The following TMEM123 variants were observed in gnomAD, a reference collection of about 807,000 sequenced individuals.
The protein encoded by TMEM123 is transmembrane protein 123, also known as porimin.
In TMEM123, 16 loss-of-function variants were observed where a neutral mutation model predicts 19.7. The observed-to-expected ratio is 0.81, with a 90% CI of 0.55 to 1.23. The LOEUF (loss-of-function observed/expected upper bound fraction) is 1.23. TMEM123 is among the 50% of genes most tolerant of loss of function. The pLI is 0.00. For missense variants in TMEM123, 313 were observed against 257.8 expected, an observed-to-expected ratio of 1.21 and a Z score of -1.47; for synonymous variants, 118 against 99.4, an observed-to-expected ratio of 1.19 and a Z score of -1.12.
chr11:102,443,753 A>C (rs552588279), intron 2 of TMEM123, among the ~76,000 whole-genome samples: 1 of 152,350 alleles, frequency 6.6e-6, no homozygotes, highest in South Asian at 2.1e-4. Flanking sequence ...ATCAGAGTGA[A>C]CAAGCAACCT....
At chr11:102,449,047 G>A in intron 1 of TMEM123, 179 bp from the exon 2 acceptor site, 1 of 582,082 alleles carries the variant, frequency 1.7e-6, no homozygotes, top group Non-Finnish European at 3.1e-6. Flanking sequence ...TCAGTAAAAG[G>A]GACTGTATTA....
At chr11:102,414,582 C>T (rs974312211) in intron 2 of TMEM123, among the ~76,000 whole-genome samples, 3 of 152,140 alleles carry the variant, frequency 2.0e-5, no homozygotes, top group Non-Finnish European at 2.9e-5. Flanking sequence ...CCAAGAATGT[C>T]GTATCTAGCT....
intron 2 of TMEM123, among the ~76,000 whole-genome samples, chr11:102,436,919 T>C (rs963072520): frequency 6.6e-6 from 1 of 152,224 alleles, no homozygotes; most frequent in Admixed American, 6.5e-5. Context: ...GATGGCTGCA[T>C]TATGGAAAAA....
chr11:102,430,589 T>G (rs1369465144), intron 2 of TMEM123, among the ~76,000 whole-genome samples: 2 of 152,080 alleles, frequency 1.3e-5, no homozygotes, highest in Non-Finnish European at 1.5e-5. Flanking sequence ...CTTCAGGTAG[T>G]GAGAACAGAA....
At chr11:102,406,671 C>T (rs897011922) in intron 2 of TMEM123, among the ~76,000 whole-genome samples, 1 of 151,588 alleles carries the variant, frequency 6.6e-6, no homozygotes, top group African/African-American at 2.4e-5. Flanking sequence ...GTCAGGAGAT[C>T]GATCACTGGC....
chr11:102,441,398 ACCGCTC>A (rs1443796893), intron 2 of TMEM123, among the ~76,000 whole-genome samples: 1 of 152,174 alleles, frequency 6.6e-6, no homozygotes, highest in African/African-American at 2.4e-5. Flanking sequence ...CTCACTCAAA[ACCGCTC>A]AACTACATGG....
chr11:102,447,599 T>G (rs1241809921), intron 2 of TMEM123, among the ~76,000 whole-genome samples: 1 of 152,226 alleles, frequency 6.6e-6, no homozygotes, highest in African/African-American at 2.4e-5. Context: ...TAGTGCAGAA[T>G]TAGATTCAAT....
chr11:102,430,670 AG>A (rs1857689756), intron 2 of TMEM123, among the ~76,000 whole-genome samples: 1 of 152,236 alleles, frequency 6.6e-6, no homozygotes, highest in Non-Finnish European at 1.5e-5. Flanking sequence ...CCACAGAGCT[AG>A]GAAAAACACG....
chr11:102,405,753 CA>C (rs1197123155), intron 2 of TMEM123, among the ~76,000 whole-genome samples: 2 of 152,078 alleles, frequency 1.3e-5, no homozygotes, highest in Non-Finnish European at 2.9e-5. Flanking sequence ...TCACATGGGC[CA>C]AAATAGGAAG....
chr11:102,444,603 G>A (rs1249782872), intron 2 of TMEM123, among the ~76,000 whole-genome samples: 2 of 151,920 alleles, frequency 1.3e-5, no homozygotes, highest in Admixed American at 6.6e-5. Context: ...ACGAGTTGAC[G>A]GGTGCAGCAC....
Position 102,452,504 on chromosome 11 carries a change from C to G in TMEM123, c.100+20G>C, listed in dbSNP as rs1347398491. On this transcript the variant is annotated intron_variant, in intron 1 of 4. Coordinates refer to ENST00000398136, the MANE Select transcript of TMEM123 (RefSeq NM_052932.3). ...CGCTGCCTCCCACGAACGGGGCTGACGACCCCCGCAGCCACTTACCCGCCA... is the reference window on the plus strand; with the variant it reads ...CGCTGCCTCCCACGAACGGGGCTGAGGACCCCCGCAGCCACTTACCCGCCA... The G allele has an allele frequency of 5.3e-6, 8 of 1,497,412 alleles. No individual in the cohort carries two copies. Among genetic ancestry groups the G allele is most frequent in the Admixed American group, 2.1e-5 (1 of 48,362 alleles). 92.8% of individuals were successfully genotyped at this position (1,497,412 alleles called of 1,614,324 possible). A position where few individuals can be genotyped will look rare whatever the true frequency, so the allele number is the denominator to read the frequency against.
At chr11:102,437,174 C>T (rs1461685976) in intron 2 of TMEM123, among the ~76,000 whole-genome samples, 4 of 152,176 alleles carry the variant, frequency 2.6e-5, no homozygotes. Context: ...TCTCTTCTAA[C>T]ACCCATTCAT....
intron 2 of TMEM123, among the ~76,000 whole-genome samples, chr11:102,410,142 A>G (rs1278773184): frequency 6.6e-6 from 1 of 152,202 alleles, no homozygotes; most frequent in Non-Finnish European, 1.5e-5. Flanking sequence ...CATTCCACTA[A>G]TATCTATGAA....
chr11:102,430,295 TC>T (rs1486309809), intron 2 of TMEM123, among the ~76,000 whole-genome samples: 2 of 152,220 alleles, frequency 1.3e-5, no homozygotes, highest in Non-Finnish European at 2.9e-5. Context: ...CATTCGCATA[TC>T]CTTTACTGTT....
rs1346056069 is a variant in TMEM123 at position 102,452,563 on chromosome 11, C to A, written c.61G>T (p.Ala21Ser). Reference sequence around the variant, plus strand: ...CTTTCATGGGCGGCCCCCAGCAGCGCTAGCACCTGCAGCGTCCCCAGGAGC... The same window carrying A: ...CTTTCATGGGCGGCCCCCAGCAGCGATAGCACCTGCAGCGTCCCCAGGAGC... ...ALLLGTLQVLALLGAAHESAA... is the reference protein window; with the variant it reads ...ALLLGTLQVLSLLGAAHESAA... Residue 21 changes from alanine (A) to serine (S), a missense_variant, in exon 1 of 5, where the codon GCG (alanine) becomes TCG (serine). Coordinates refer to ENST00000398136, the MANE Select transcript of TMEM123 (RefSeq NM_052932.3). The A allele has an allele frequency of 1.3e-6, 2 of 1,574,310 alleles. No individual in the cohort carries two copies. The highest frequency in any genetic ancestry group is 8.6e-7 in the Non-Finnish European group (1 of 1,164,844).
intron 2 of TMEM123, among the ~76,000 whole-genome samples, chr11:102,435,428 G>A (rs533301006): frequency 2.1e-4 from 32 of 151,806 alleles, no homozygotes; most frequent in South Asian, 4.1e-4. Context: ...CGAAAAAACC[G>A]TACAACAACA....
At chr11:102,432,480 G>A (rs151069920) in intron 2 of TMEM123, among the ~76,000 whole-genome samples, 1 of 152,330 alleles carries the variant, frequency 6.6e-6, no homozygotes, top group East Asian at 1.9e-4. Flanking sequence ...CGAGAGACAC[G>A]ATTTAGGGTA....
chr11:102,443,998 A>C (rs1410005978), intron 2 of TMEM123, among the ~76,000 whole-genome samples: 1 of 152,226 alleles, frequency 6.6e-6, no homozygotes, highest in South Asian at 2.1e-4. Context: ...ACAACGAGAT[A>C]CCATCTCACA....
At chr11:102,410,203 A>AGTTAAAGTGATAATGACCT (rs566070260) in intron 2 of TMEM123, among the ~76,000 whole-genome samples, 2,493 of 152,284 alleles carry the variant, frequency 0.016, 77 homozygotes, top group African/African-American at 0.057. Context: ...AGGCACTTCC[A>AGTTAAAGTGATAATGACCT]GTTAAAGTGA....
Sources: gnomAD v4.1 joint callset for allele counts (sites outside exome capture counted in the v4.1 genomes callset) on GRCh38, gnomAD v4.1.1 for gene constraint, MANE v1.5 for transcripts, NCBI Gene and HGNC (gene_info 2026-07-23, HGNC 2026-07-21) for gene names.